The following WWOX variants were observed in gnomAD, a reference collection of about 807,000 sequenced individuals.
WWOX encodes WW domain containing oxidoreductase.
WWOX carries 69 observed loss-of-function variants against 46.2 expected under a neutral mutation model. The ratio of observed to expected loss-of-function variants is 1.49; its 90% CI spans 1.23 to 1.82. The LOEUF is 1.82. Ranked by LOEUF, WWOX falls within the 40% of genes most tolerant of loss-of-function variation. The probability of loss-of-function intolerance (pLI) is 0.00; values close to 1 mark genes in which losing one functional copy is unlikely to be tolerated. For missense variants in WWOX, 919 were observed against 542.6 expected (o/e 1.69, Z -6.89); for synonymous variants, 359 against 202.6 (o/e 1.77, Z -6.56).
At chr16:78,955,453 T>C (rs964786480) in intron 8 of WWOX, among the ~76,000 whole-genome samples, 1 of 152,090 alleles carries the variant, frequency 6.6e-6, no homozygotes, top group Non-Finnish European at 1.5e-5. Flanking sequence ...AGAGATTCTA[T>C]TTTTACTGGA....
At chr16:78,406,784 G>A (rs1321943502) in intron 6 of WWOX, among the ~76,000 whole-genome samples, 1 of 151,884 alleles carries the variant, frequency 6.6e-6, no homozygotes, top group East Asian at 1.9e-4. Flanking sequence ...GTGCCACCAC[G>A]CCTGGTTAGT....
intron 8 of WWOX, among the ~76,000 whole-genome samples, chr16:78,745,951 C>G (rs747703406): frequency 4.6e-5 from 7 of 152,162 alleles, no homozygotes; most frequent in Non-Finnish European, 8.8e-5. Context: ...CCAGCCCTGA[C>G]TCCAGCTGCT....
chr16:78,964,712 CCAGGCCATGTCAGAGACTTTCA>C (rs529431961), intron 8 of WWOX, among the ~76,000 whole-genome samples: 187 of 152,328 alleles, frequency 1.2e-3, no homozygotes, highest in African/African-American at 4.3e-3. Context: ...GAAAATGTCT[CCAGGCCATGTCAGAGACTTTCA>C]CAGCAGCCCC....
chr16:78,723,006 C>T (rs1165356506), intron 8 of WWOX, among the ~76,000 whole-genome samples: 3 of 152,080 alleles, frequency 2.0e-5, no homozygotes, highest in African/African-American at 4.8e-5. Flanking sequence ...CACACTGGAG[C>T]ACTCCAGCCT....
intron 5 of WWOX, among the ~76,000 whole-genome samples, chr16:78,335,406 C>T (rs2080866015): frequency 6.6e-6 from 1 of 152,158 alleles, no homozygotes; most frequent in Non-Finnish European, 1.5e-5. Flanking sequence ...CATAAGTTTG[C>T]CTAGGATAAC....
chr16:78,576,712 G>T (rs979239541), intron 8 of WWOX, among the ~76,000 whole-genome samples: 2 of 152,124 alleles, frequency 1.3e-5, no homozygotes, highest in African/African-American at 4.8e-5. Flanking sequence ...CATAGGTGTA[G>T]TCCCAGCTAC....
At chr16:78,957,305 T>G (rs1252583304) in intron 8 of WWOX, among the ~76,000 whole-genome samples, 3 of 152,250 alleles carry the variant, frequency 2.0e-5, no homozygotes, top group Non-Finnish European at 2.9e-5. Flanking sequence ...CTGAGAAAAC[T>G]TAGCATCTAA....
At chr16:79,151,663 C>A (rs1344117405) in intron 8 of WWOX, among the ~76,000 whole-genome samples, 1 of 144,742 alleles carries the variant, frequency 6.9e-6, no homozygotes, top group African/African-American at 2.6e-5. Flanking sequence ...ATCAGGGGTG[C>A]TAGAGGATAG....
chr16:78,651,732 C>G (rs2046970068), intron 8 of WWOX, among the ~76,000 whole-genome samples: 1 of 152,108 alleles, frequency 6.6e-6, no homozygotes, highest in South Asian at 2.1e-4. Context: ...GGCAGCAGCC[C>G]AAATCTTTGA....
chr16:78,976,304 A>G (rs537709945), intron 8 of WWOX, among the ~76,000 whole-genome samples: 101 of 152,276 alleles, frequency 6.6e-4, no homozygotes, highest in Middle Eastern at 3.4e-3. Flanking sequence ...TTTATTTCTT[A>G]CGTAGTTTTG....
At chr16:79,194,912 G>C (rs1322929155) in intron 8 of WWOX, among the ~76,000 whole-genome samples, 1 of 152,090 alleles carries the variant, frequency 6.6e-6, no homozygotes, top group Non-Finnish European at 1.5e-5. Flanking sequence ...CCAAACTAAA[G>C]GATGAGAAAG....
chr16:78,948,832 G>C, intron 8 of WWOX, among the ~76,000 whole-genome samples: 1 of 152,078 alleles, frequency 6.6e-6, no homozygotes, highest in East Asian at 1.9e-4. Flanking sequence ...GAATAGGAAG[G>C]TTATCCTGGG....
At chr16:78,758,353 C>G (rs1025569492) in intron 8 of WWOX, among the ~76,000 whole-genome samples, 10 of 152,246 alleles carry the variant, frequency 6.6e-5, no homozygotes, top group South Asian at 4.1e-4. Context: ...AAAGCAAGAT[C>G]TTTTGCAAGT....
At chr16:78,678,148 T>C (rs893251945) in intron 8 of WWOX, among the ~76,000 whole-genome samples, 2 of 152,234 alleles carry the variant, frequency 1.3e-5, no homozygotes, top group Non-Finnish European at 2.9e-5. Context: ...TTTGTCTGCC[T>C]TGGTCTCTCC....
intron 8 of WWOX, among the ~76,000 whole-genome samples, chr16:78,915,101 A>G (rs900938923): frequency 6.6e-5 from 10 of 152,156 alleles, no homozygotes; most frequent in African/African-American, 2.2e-4. Flanking sequence ...GGCTGGTTAA[A>G]TGGAGATCAA....
At chr16:78,725,558 G>T (rs1028793027) in intron 8 of WWOX, among the ~76,000 whole-genome samples, 1 of 151,530 alleles carries the variant, frequency 6.6e-6, no homozygotes, top group Middle Eastern at 3.2e-3. Flanking sequence ...TGTTGGTCAC[G>T]GTGGTCTCAA....
At chr16:78,954,668 C>T (rs1264497977) in intron 8 of WWOX, among the ~76,000 whole-genome samples, 1 of 152,020 alleles carries the variant, frequency 6.6e-6, no homozygotes, top group East Asian at 1.9e-4. Context: ...GAAGCATAGG[C>T]ACATAAATAA....
rs1597077599 is a variant in WWOX, at chr16:78,432,797, G to C, written c.1056+45G>C. On this transcript the variant is annotated intron_variant, in intron 8 of 8. Coordinates refer to ENST00000566780, the MANE Select transcript of WWOX (RefSeq NM_016373.4). ...CGCCGCAAACACCTTGGGTCCTAGA[G>C]AAACCTGCACACTTGTGTCTCCACC... 8.7e-6 allele frequency: 14 copies of C among 1,613,588 alleles called. No homozygotes were observed. In the East Asian group the frequency reaches 3.1e-4, roughly 36 times the overall value.
At chr16:78,702,148 C>A (rs1443844255) in intron 8 of WWOX, among the ~76,000 whole-genome samples, 3 of 130,316 alleles carry the variant, frequency 2.3e-5, no homozygotes, top group African/African-American at 1.1e-4. Context: ...GACATGGTGG[C>A]ATGCAACTGC....
Sources: gnomAD v4.1 joint callset for allele counts (sites outside exome capture counted in the v4.1 genomes callset) on GRCh38, gnomAD v4.1.1 for gene constraint, MANE v1.5 for transcripts, NCBI Gene and HGNC (gene_info 2026-07-23, HGNC 2026-07-21) for gene names.